Variants in PCDH11X observed in about 807,000 individuals in gnomAD.
PCDH11X encodes protocadherin-11 X-linked.
PCDH11X carries 18 observed loss-of-function variants against 53.3 expected under a neutral mutation model. The ratio of observed to expected loss-of-function variants is 0.34; its 90% CI spans 0.23 to 0.50. The LOEUF (loss-of-function observed/expected upper bound fraction) is 0.50. Ranked by LOEUF, PCDH11X falls within the 20% of genes least tolerant of loss-of-function variation. The pLI is 0.98. For synonymous variants in PCDH11X, 279 were observed against 393.3 expected (o/e 0.71, Z 3.44); for missense variants, 570 against 1,032.4 (o/e 0.55, Z 6.14).
At chrX:92,545,200 T>C (rs1037629988) in intron 10 of PCDH11X, among the ~76,000 whole-genome samples, 2 of 110,454 alleles carry the variant, frequency 1.8e-5, no homozygotes, top group Non-Finnish European at 3.8e-5. Flanking sequence ...GCATAAAAAC[T>C]AGAGAGGCAT....
At chrX:91,905,791 G>T (rs1475453821) in intron 6 of PCDH11X, among the ~76,000 whole-genome samples, 1 of 110,060 alleles carries the variant, frequency 9.1e-6, no homozygotes, top group East Asian at 2.9e-4. Context: ...TGAAACTTTT[G>T]TTTCTAAAAA....
intron 8 of PCDH11X, among the ~76,000 whole-genome samples, chrX:92,280,521 C>CAAATAAATAAATAAAT (rs200000470): frequency 9.6e-6 from 1 of 104,307 alleles, no homozygotes; most frequent in Admixed American, 1.0e-4. Context: ...GGCTCCATCT[C>CAAATAAATAAATAAAT]AAATAAATAA....
At chrX:92,364,941 C>A (rs868093801) in intron 8 of PCDH11X, among the ~76,000 whole-genome samples, 95 of 82,284 alleles carry the variant, frequency 1.2e-3, no homozygotes, top group Non-Finnish European at 2.0e-3. Context: ...AAAAAAATTT[C>A]TTTCTTTATA....
intron 10 of PCDH11X, among the ~76,000 whole-genome samples, chrX:92,474,972 C>T (rs1277023806): frequency 3.8e-5 from 4 of 104,322 alleles, no homozygotes; most frequent in Non-Finnish European, 5.8e-5. Flanking sequence ...GAGACCATCC[C>T]GGCTAAGACG....
At chrX:92,586,640 G>A (rs1157383290) in intron 10 of PCDH11X, among the ~76,000 whole-genome samples, 6 of 106,484 alleles carry the variant, frequency 5.6e-5, no homozygotes, top group Non-Finnish European at 1.2e-4. Context: ...TAATTAAATT[G>A]GTGTCCAGCA....
intron 8 of PCDH11X, among the ~76,000 whole-genome samples, chrX:92,286,538 T>C (rs777569521): frequency 4.7e-4 from 45 of 96,012 alleles, no homozygotes; most frequent in African/African-American, 1.7e-3. Context: ...AAAAGGAAAA[T>C]CAAATAAATA....
intron 10 of PCDH11X, among the ~76,000 whole-genome samples, chrX:92,581,174 C>T (rs1368482002): frequency 1.1e-4 from 12 of 111,729 alleles, no homozygotes; most frequent in African/African-American, 1.6e-4. Flanking sequence ...TACCGTCAAC[C>T]ACATTGACCT....
chrX:92,568,731 A>C (rs1921825349), intron 10 of PCDH11X, among the ~76,000 whole-genome samples: 1 of 94,995 alleles, frequency 1.1e-5, no homozygotes, highest in African/African-American at 4.1e-5. Context: ...GTACAACCTG[A>C]AGTATCACAA....
chrX:92,276,531 G>A (rs766391143), intron 8 of PCDH11X, among the ~76,000 whole-genome samples: 4 of 110,695 alleles, frequency 3.6e-5, no homozygotes, highest in African/African-American at 1.3e-4. Flanking sequence ...GCAAGCTCCT[G>A]GGGGAGGAGG....
intron 8 of PCDH11X, among the ~76,000 whole-genome samples, chrX:92,279,128 A>C (rs149391154): frequency 8.9e-6 from 1 of 111,805 alleles, no homozygotes; most frequent in Admixed American, 9.4e-5. Flanking sequence ...AGCTTTTGTC[A>C]GTCATATAAG....
intron 6 of PCDH11X, among the ~76,000 whole-genome samples, chrX:92,051,149 C>G (rs1378365927): frequency 3.6e-5 from 4 of 111,490 alleles, no homozygotes; most frequent in Non-Finnish European, 7.5e-5. Flanking sequence ...AGCACTATTA[C>G]CCATTCAATT....
At chrX:91,914,639 G>C (rs943121597) in intron 6 of PCDH11X, among the ~76,000 whole-genome samples, 14 of 111,420 alleles carry the variant, frequency 1.3e-4, no homozygotes, top group Non-Finnish European at 1.9e-4. Flanking sequence ...CATAGAACAC[G>C]TAGAAGAAAT....
intron 5 of PCDH11X, among the ~76,000 whole-genome samples, chrX:91,875,512 C>T (rs2147724905): frequency 9.3e-6 from 1 of 107,781 alleles, no homozygotes; most frequent in South Asian, 4.1e-4. Context: ...AGGATGGTCT[C>T]GATCTCCTGA....
At chrX:92,241,806 T>A (rs58875009) in intron 7 of PCDH11X, among the ~76,000 whole-genome samples, 8,382 of 111,802 alleles carry the variant, frequency 0.075, 659 homozygotes, top group African/African-American at 0.23. Flanking sequence ...ATTGGCATGA[T>A]GTTTTAAGGA....
chrX:92,514,540 G>T (rs1474640714), intron 10 of PCDH11X, among the ~76,000 whole-genome samples: 4 of 106,675 alleles, frequency 3.7e-5, no homozygotes, highest in African/African-American at 1.4e-4. Flanking sequence ...GACCAGCCTG[G>T]CCAACATGGT....
At chrX:92,256,897 C>CT (rs1323280696) in intron 7 of PCDH11X, among the ~76,000 whole-genome samples, 1 of 110,582 alleles carries the variant, frequency 9.0e-6, no homozygotes, top group Non-Finnish European at 1.9e-5. Context: ...GATCTCAGTC[C>CT]TTTTTTTTCC....
In PCDH11X at chrX:91,805,516, A is replaced by T. The variant is rs951806503; in HGVS notation, c.-378-3950A>T. On this transcript the variant is annotated intron_variant, in intron 1 of 10. Transcript: ENST00000682573. ...TTTCATATATTTAGAGTAGTTTCAC[A>T]CTAAAATGAGTGATTAGGCTAGGCA... Among the ~76,000 whole-genome samples, 5 of 111,605 alleles carry T rather than the reference A, an allele frequency of 4.5e-5. No homozygotes were observed. In the South Asian group the frequency reaches 1.9e-3, roughly 42 times the overall value.
intron 4 of PCDH11X, among the ~76,000 whole-genome samples, chrX:91,824,343 G>T (rs1454624938): frequency 9.1e-6 from 1 of 110,062 alleles, no homozygotes; most frequent in East Asian, 2.8e-4. Context: ...TTTTCACATA[G>T]TCCCATATTT....
At chrX:92,576,689 AAAGT>A (rs1242556382) in intron 10 of PCDH11X, among the ~76,000 whole-genome samples, 11 of 110,323 alleles carry the variant, frequency 1.0e-4, no homozygotes, top group African/African-American at 3.6e-4. Context: ...CACAAAAAGA[AAAGT>A]AATAAAAACA....
Sources: allele counts gnomAD v4.1 joint callset (sites outside exome capture counted in the v4.1 genomes callset), GRCh38; gene constraint gnomAD v4.1.1; transcripts MANE v1.5; gene names NCBI Gene and HGNC (gene_info 2026-07-23, HGNC 2026-07-21).